Variants in SYT1 observed in about 807,000 individuals in gnomAD.
SYT1 encodes synaptotagmin 1.
SYT1 carries 8 observed loss-of-function variants against 44.8 expected under a neutral mutation model. The ratio of observed to expected loss-of-function variants is 0.18; its 90% CI spans 0.10 to 0.32. SYT1 has a LOEUF of 0.32. Ranked by LOEUF, SYT1 falls within the 10% of genes least tolerant of loss-of-function variation. The probability of loss-of-function intolerance (pLI) is 1.00; values close to 1 mark genes in which losing one functional copy is unlikely to be tolerated. For synonymous variants in SYT1, 154 were observed against 188.8 expected, an observed-to-expected ratio of 0.82 and a Z score of 1.51; for missense variants, 286 against 509.3, an observed-to-expected ratio of 0.56 and a Z score of 4.22.
chr12:79,150,997 C>T (rs1174292141), intron 3 of SYT1, among the ~76,000 whole-genome samples: 1 of 152,050 alleles, frequency 6.6e-6, no homozygotes, highest in African/African-American at 2.4e-5. Flanking sequence ...AGAAGAGCGA[C>T]TCCTCGAGAT....
intron 4 of SYT1, among the ~76,000 whole-genome samples, chr12:79,225,379 G>A (rs1284046149): frequency 6.6e-6 from 1 of 152,172 alleles, no homozygotes; most frequent in Non-Finnish European, 1.5e-5. Context: ...ACCATTCTTA[G>A]CAGGAAGACT....
At chr12:78,907,028 A>G (rs1188768923) in intron 1 of SYT1, among the ~76,000 whole-genome samples, 2 of 152,160 alleles carry the variant, frequency 1.3e-5, no homozygotes, top group Non-Finnish European at 2.9e-5. Flanking sequence ...ATTAAAGTGT[A>G]CATTTATGGC....
intron 4 of SYT1, among the ~76,000 whole-genome samples, chr12:79,226,860 A>G (rs2138599926): frequency 6.6e-6 from 1 of 152,274 alleles, no homozygotes; most frequent in Non-Finnish European, 1.5e-5. Context: ...GCAGGAGGCA[A>G]TACTAAACAA....
chr12:79,446,524 T>C (rs1474047815), intron 10 of SYT1, among the ~76,000 whole-genome samples: 1 of 152,158 alleles, frequency 6.6e-6, no homozygotes, highest in Non-Finnish European at 1.5e-5. Flanking sequence ...TTTAAATTGA[T>C]ATAGCTAGAT....
intron 3 of SYT1, among the ~76,000 whole-genome samples, chr12:79,112,170 A>T (rs1565811573): frequency 6.6e-6 from 1 of 152,096 alleles, no homozygotes. Context: ...AGGAATTTAA[A>T]AGAGGGGATT....
At chr12:79,118,087 C>T (rs936876259) in intron 3 of SYT1, among the ~76,000 whole-genome samples, 4 of 152,076 alleles carry the variant, frequency 2.6e-5, no homozygotes, top group Admixed American at 2.0e-4. Flanking sequence ...TCTCTGTTTG[C>T]TGATTCCATC....
At chr12:79,448,179 TG>T (rs1413440003) in intron 10 of SYT1, among the ~76,000 whole-genome samples, 3 of 152,212 alleles carry the variant, frequency 2.0e-5, no homozygotes. Flanking sequence ...CAAAATCTGA[TG>T]GAATCATTGA....
At chr12:79,048,241 A>C (rs7295994) in intron 3 of SYT1, among the ~76,000 whole-genome samples, 2,115 of 151,980 alleles carry the variant, frequency 0.014, 51 homozygotes, top group African/African-American at 0.047. Flanking sequence ...ATATCAAACT[A>C]GAGTCAAGTT....
chr12:79,094,045 TA>T (rs1162867811), intron 3 of SYT1, among the ~76,000 whole-genome samples: 1 of 151,636 alleles, frequency 6.6e-6, no homozygotes, highest in Non-Finnish European at 1.5e-5. Context: ...AACAAGAAGT[TA>T]AAAGTAAATA....
chr12:78,953,071 A>G (rs1879045844), intron 1 of SYT1, among the ~76,000 whole-genome samples: 1 of 152,062 alleles, frequency 6.6e-6, no homozygotes. Flanking sequence ...AGAACTGTCT[A>G]TTTTCTTCAT....
intron 1 of SYT1, among the ~76,000 whole-genome samples, chr12:78,900,067 A>G (rs1366610896): frequency 6.6e-6 from 1 of 152,116 alleles, no homozygotes; most frequent in Non-Finnish European, 1.5e-5. Context: ...CAGGTTAATC[A>G]AATAAATGGT....
chr12:79,234,990 T>A (rs1592881453), intron 4 of SYT1, among the ~76,000 whole-genome samples: 1 of 152,318 alleles, frequency 6.6e-6, no homozygotes, highest in South Asian at 2.1e-4. Context: ...ATTACAGGCG[T>A]GAGCCACTGC....
At chr12:79,352,819 A>G (rs1882965872) in intron 8 of SYT1, among the ~76,000 whole-genome samples, 1 of 152,228 alleles carries the variant, frequency 6.6e-6, no homozygotes, top group East Asian at 1.9e-4. Context: ...CAGTGAAATA[A>G]CATGAGAAGT....
chr12:79,349,448 A>G (rs1327114736), intron 8 of SYT1, among the ~76,000 whole-genome samples: 4 of 152,226 alleles, frequency 2.6e-5, no homozygotes, highest in Admixed American at 1.3e-4. Flanking sequence ...ATTAGTTTCT[A>G]TCATTCCAGA....
intron 3 of SYT1, among the ~76,000 whole-genome samples, chr12:79,109,812 C>A (rs1878915443): frequency 6.6e-6 from 1 of 152,090 alleles, no homozygotes; most frequent in Non-Finnish European, 1.5e-5. Flanking sequence ...TTATTGCAGA[C>A]TAACCTATTA....
chr12:79,273,903 G>A (rs1878569193), intron 4 of SYT1, among the ~76,000 whole-genome samples: 1 of 152,130 alleles, frequency 6.6e-6, no homozygotes, highest in Non-Finnish European at 1.5e-5. Context: ...GGCCAACATG[G>A]TGAAACCCCG....
At chr12:79,400,598 G>A (rs773336817) in intron 9 of SYT1, among the ~76,000 whole-genome samples, 6 of 152,236 alleles carry the variant, frequency 3.9e-5, no homozygotes, top group Non-Finnish European at 5.9e-5. Context: ...CCAGAAAGTA[G>A]CAGGACAGAA....
At chr12:79,141,657 C>A (rs1312757625) in intron 3 of SYT1, among the ~76,000 whole-genome samples, 1 of 152,026 alleles carries the variant, frequency 6.6e-6, no homozygotes, top group Non-Finnish European at 1.5e-5. Context: ...TCTAGATTAG[C>A]AATGATTATT....
chr12:79,175,241 GC>G (rs1871786961), intron 3 of SYT1, among the ~76,000 whole-genome samples: 1 of 152,002 alleles, frequency 6.6e-6, no homozygotes, highest in South Asian at 2.1e-4. Flanking sequence ...TGCGACATAG[GC>G]CTGGTTGATC....
Sources: allele counts gnomAD v4.1 joint callset (sites outside exome capture counted in the v4.1 genomes callset), GRCh38; gene constraint gnomAD v4.1.1; transcripts MANE v1.5; gene names NCBI Gene and HGNC (gene_info 2026-07-23, HGNC 2026-07-21).